Variants in MRPS6 observed in about 807,000 individuals in gnomAD.
The protein encoded by MRPS6 is small ribosomal subunit protein bS6m.
MRPS6 carries 6 observed loss-of-function variants against 13.1 expected under a neutral mutation model. That is an observed-to-expected ratio of 0.46 (90% CI 0.25 to 0.91). The LOEUF is 0.91. Ranked by LOEUF, MRPS6 falls within the 40% of genes least tolerant of loss-of-function variation. The probability of loss-of-function intolerance (pLI) is 0.18; values close to 1 mark genes in which losing one functional copy is unlikely to be tolerated. For synonymous variants in MRPS6, 61 were observed against 56.5 expected, an observed-to-expected ratio of 1.08 and a Z score of -0.36; for missense variants, 164 against 155.6, an observed-to-expected ratio of 1.05 and a Z score of -0.29.
intron 2 of MRPS6, among the ~76,000 whole-genome samples, chr21:34,128,847 G>A (rs1980401091): frequency 1.3e-5 from 2 of 152,188 alleles, no homozygotes; most frequent in Non-Finnish European, 2.9e-5. Flanking sequence ...GGCCTGGATT[G>A]GGCCACCCTT....
intron 2 of MRPS6, among the ~76,000 whole-genome samples, chr21:34,134,150 T>A (rs1980604730): frequency 6.6e-6 from 1 of 152,218 alleles, no homozygotes; most frequent in Non-Finnish European, 1.5e-5. Context: ...AATAATTAAA[T>A]CTTGAATAAA....
chr21:34,139,876 C>T (rs1027779882), intron 2 of MRPS6, among the ~76,000 whole-genome samples: 3 of 152,132 alleles, frequency 2.0e-5, no homozygotes, highest in East Asian at 3.8e-4. Flanking sequence ...CAGCGCCTGA[C>T]CTTGCAAAAA....
At chr21:34,091,324 G>T (rs548935098) in intron 1 of MRPS6, among the ~76,000 whole-genome samples, 1 of 152,184 alleles carries the variant, frequency 6.6e-6, no homozygotes, top group East Asian at 1.9e-4. Context: ...AATTTTTCTT[G>T]TTCCTTGTTT....
rs181051877 is a variant in MRPS6, at chr21:34,100,809, A to G, written c.46-24532A>G. On this transcript the variant is annotated intron_variant, in intron 1 of 2. Coordinates refer to ENST00000399312, the MANE Select transcript of MRPS6 (RefSeq NM_032476.4). ...ATATGGATCTTCCCCTCTGACTTTG[A>G]ATATCATTTGGTGTGGCCTGTGGGT... The G allele has an allele frequency of 1.2e-3, 1,210 of 1,000,248 alleles. 2 individuals are homozygous for G. The highest frequency in any genetic ancestry group is 1.4e-3 in the Non-Finnish European group (1,146 of 829,972). 62.0% of individuals were successfully genotyped at this position (1,000,248 alleles called of 1,614,324 possible). A position where few individuals can be genotyped will look rare whatever the true frequency, so the allele number is the denominator to read the frequency against.
At chr21:34,082,359 C>G (rs1989478236) in intron 1 of MRPS6, among the ~76,000 whole-genome samples, 1 of 152,150 alleles carries the variant, frequency 6.6e-6, no homozygotes, top group Non-Finnish European at 1.5e-5. Flanking sequence ...GGCTTCAGAG[C>G]TGCACCGTGT....
At chr21:34,099,308 T>C (rs1253943621) in intron 1 of MRPS6, 1 of 1,000,108 alleles carries the variant, frequency 1.0e-6, no homozygotes, top group Admixed American at 6.2e-5. Flanking sequence ...GAAGTCTCTT[T>C]TGGGAAGAAC....
intron 2 of MRPS6, among the ~76,000 whole-genome samples, chr21:34,139,994 G>A (rs556742164): frequency 6.7e-4 from 102 of 152,024 alleles, no homozygotes; most frequent in Non-Finnish European, 1.2e-3. Context: ...TTACTCAACA[G>A]TCTGGCTATA....
chr21:34,099,218 G>T (rs1979118943), intron 1 of MRPS6: 1 of 1,000,086 alleles, frequency 1.0e-6, no homozygotes, highest in Middle Eastern at 5.2e-4. Flanking sequence ...TATTCTTGAG[G>T]TTTATAATTT....
intron 1 of MRPS6, chr21:34,095,822 CG>C: frequency 6.2e-7 from 1 of 1,613,916 alleles, no homozygotes; most frequent in Non-Finnish European, 8.5e-7. Context: ...TGGAGATTGG[CG>C]GGTTTGAGGA....
chr21:34,099,158 A>G (rs1979113900), intron 1 of MRPS6: 1 of 999,296 alleles, frequency 1.0e-6, no homozygotes. Context: ...TATGAATAGC[A>G]TGTATTTCTG....
At chr21:34,103,530 A>G in intron 1 of MRPS6, 2 of 1,000,106 alleles carry the variant, frequency 2.0e-6, no homozygotes, top group Non-Finnish European at 2.4e-6. Context: ...GTACGTGACA[A>G]CAGTTTATAT....
Position 34,142,448 on chromosome 21 carries a change from G to C in MRPS6, c.226G>C (p.Glu76Gln). The C allele has an allele frequency of 6.2e-7, 1 of 1,600,896 alleles. No individual in the cohort carries two copies. The highest frequency in any genetic ancestry group is 1.1e-5 in the South Asian group (1 of 87,598). Residue 76 changes from glutamate to glutamine, a missense_variant, in exon 3 of 3, where the codon GAA (glutamate) becomes CAA (glutamine). Glu to Gln is a conservative substitution (Grantham distance 29). Transcript: ENST00000399312. ...TTTTTATGCACCCACCGCAGCTGTT[G>C]AAAGCATGGTGGAGCACTTGTCTCG... ...VDFYAPTAAV[E>Q]SMVEHLSRDI...
At position 34,098,667 on chromosome 21, in the gene MRPS6, G is replaced by A. The variant is rs1979085616; in HGVS notation, c.45+24922G>A. ...AGAGGTGCCAAACAAGAACTTTTGG[G>A]GTTAGTAGTGTGTCTTGTGGAGGGT... is the stretch of plus-strand genomic sequence containing the variant. On this transcript the variant is annotated intron_variant, in intron 1 of 2. Transcript: ENST00000399312. The A allele has an allele frequency of 4.0e-6, 4 of 1,000,216 alleles. No individual in the cohort carries two copies. The South Asian group carries it at 1.9e-4, about 47-fold the overall frequency. The allele number at this position is 1,000,216 out of a possible 1,614,324, so 62.0% of individuals were successfully genotyped here.
At chr21:34,077,873 T>A (rs1226538835) in intron 1 of MRPS6, among the ~76,000 whole-genome samples, 1 of 152,202 alleles carries the variant, frequency 6.6e-6, no homozygotes, top group Non-Finnish European at 1.5e-5. Flanking sequence ...AATGCAAGCC[T>A]TTTTTGATTA....
chr21:34,080,121 C>T (rs926746733), intron 1 of MRPS6, among the ~76,000 whole-genome samples: 7 of 152,176 alleles, frequency 4.6e-5, no homozygotes, highest in Non-Finnish European at 1.0e-4. Flanking sequence ...TAGCTAATAC[C>T]TGTAAATACG....
intron 1 of MRPS6, among the ~76,000 whole-genome samples, chr21:34,088,682 CA>C (rs374114708): frequency 1 from 152,326 of 152,326 alleles, 76,163 homozygotes; most frequent in Non-Finnish European, 1. Context: ...AGATGTGAGG[CA>C]ACATCCTGGC....
intron 2 of MRPS6, among the ~76,000 whole-genome samples, chr21:34,127,263 C>G (rs576790851): frequency 6.6e-6 from 1 of 152,250 alleles, no homozygotes; most frequent in South Asian, 2.1e-4. Context: ...GAGGTTCATG[C>G]TTTAAGCCTA....
intron 1 of MRPS6, chr21:34,124,040 C>G (rs1473641721): frequency 6.6e-6 from 1 of 152,332 alleles, no homozygotes; most frequent in African/African-American, 2.4e-5. Context: ...TCCTCTCCCC[C>G]TCCACCCTTT....
At chr21:34,106,876 T>C (rs1489790767) in intron 1 of MRPS6, among the ~76,000 whole-genome samples, 2 of 152,194 alleles carry the variant, frequency 1.3e-5, no homozygotes, top group East Asian at 3.8e-4. Context: ...TTATGTCTTT[T>C]GCCCCCTTTA....
Sources: gnomAD v4.1 joint callset for allele counts (sites outside exome capture counted in the v4.1 genomes callset) on GRCh38, gnomAD v4.1.1 for gene constraint, MANE v1.5 for transcripts, NCBI Gene and HGNC (gene_info 2026-07-23, HGNC 2026-07-21) for gene names.